The following IQSEC1 variants were observed in gnomAD, a reference collection of about 807,000 sequenced individuals.
IQSEC1 encodes IQ motif and SEC7 domain-containing protein 1.
Under a neutral mutation model 91.0 loss-of-function variants are expected in IQSEC1, and 31 were observed. That is an observed-to-expected ratio of 0.34 (90% CI 0.26 to 0.46). IQSEC1 has a LOEUF of 0.46. Ranked by LOEUF, IQSEC1 falls within the 20% of genes least tolerant of loss-of-function variation. IQSEC1 has a pLI of 1.00. For missense variants in IQSEC1, 1,388 were observed against 1,575.6 expected (o/e 0.88, Z 2.02); for synonymous variants, 699 against 662.6 (o/e 1.05, Z -0.84).
At chr3:12,989,882 C>T (rs554972667) in intron 1 of IQSEC1, among the ~76,000 whole-genome samples, 4 of 152,180 alleles carry the variant, frequency 2.6e-5, no homozygotes, top group Admixed American at 6.5e-5. Context: ...TCCAGAGCAA[C>T]AAAGAGTCCG....
chr3:12,931,535 G>A (rs538967005), intron 3 of IQSEC1, among the ~76,000 whole-genome samples: 3 of 152,338 alleles, frequency 2.0e-5, no homozygotes, highest in South Asian at 4.1e-4. Flanking sequence ...TGCACAGGCC[G>A]GCTCTGCTCA....
intron 1 of IQSEC1, among the ~76,000 whole-genome samples, chr3:13,227,149 G>A (rs149543195): frequency 0.015 from 2,315 of 152,136 alleles, 32 homozygotes; most frequent in Non-Finnish European, 0.021. Context: ...GCCGAGGCAG[G>A]TGGATCACCT....
At chr3:12,990,379 A>T (rs1243302905) in intron 1 of IQSEC1, among the ~76,000 whole-genome samples, 2 of 152,218 alleles carry the variant, frequency 1.3e-5, no homozygotes, top group African/African-American at 4.8e-5. Flanking sequence ...ACAAGAACTT[A>T]TATCCTCCCC....
chr3:13,144,525 C>T (rs1425481610), intron 2 of IQSEC1, among the ~76,000 whole-genome samples: 1 of 152,260 alleles, frequency 6.6e-6, no homozygotes, highest in Admixed American at 6.5e-5. Flanking sequence ...TGTGACCACA[C>T]AGACAATCCC....
chr3:13,236,504 G>T (rs1292488373), intron 1 of IQSEC1, among the ~76,000 whole-genome samples: 4 of 152,194 alleles, frequency 2.6e-5, no homozygotes, highest in Admixed American at 6.5e-5. Flanking sequence ...CTCCAAACTT[G>T]TCCTGCTAAC....
rs1164110402 is a variant in IQSEC1, at chr3:12,908,733, G to A, written c.2579-208C>T. Reference sequence around the variant, plus strand: ...GGAGGGAGGCTAGAGAGACCAGAGGGCCTTGTGACCTGCAGGAAGGATAGT... The same window carrying A: ...GGAGGGAGGCTAGAGAGACCAGAGGACCTTGTGACCTGCAGGAAGGATAGT... On this transcript the variant is annotated intron_variant, in intron 11 of 13. Transcript: ENST00000613206. The surrounding 1 kb of genome is among the most constrained non-coding windows in gnomAD (Gnocchi z 4.9). Among the ~76,000 whole-genome samples, 3 of 152,052 alleles carry A rather than the reference G, an allele frequency of 2.0e-5. No homozygotes were observed. The highest frequency in any genetic ancestry group is 2.0e-4 in the Admixed American group (3 of 15,260).
Position 12,971,814 on chromosome 3 carries a change from G to A in IQSEC1, c.24-29949C>T, listed in dbSNP as rs116268866. Among the ~76,000 whole-genome samples the A allele has an allele frequency of 4.4e-3, 674 of 152,276 alleles. 6 individuals carry two copies. The highest frequency in any genetic ancestry group is 0.015 in the African/African-American group (641 of 41,548). ...GGTGTGGTGGCTCACCCAAAGTCAG[G>A]AGTTCGAGACCAGCCTGGCCAACAT... On this transcript the variant is annotated intron_variant, in intron 1 of 13. Coordinates refer to ENST00000613206, the MANE Select transcript of IQSEC1 (RefSeq NM_001134382.3).
chr3:13,264,235 ACTGT>A (rs1695444247), intron 1 of IQSEC1, among the ~76,000 whole-genome samples: 1 of 152,016 alleles, frequency 6.6e-6, no homozygotes, highest in Non-Finnish European at 1.5e-5. Flanking sequence ...CGCCTGCCAC[ACTGT>A]CTGTCACAAC....
intron 1 of IQSEC1, among the ~76,000 whole-genome samples, chr3:13,175,699 G>C (rs1693714047): frequency 6.6e-6 from 1 of 152,238 alleles, no homozygotes; most frequent in African/African-American, 2.4e-5. Context: ...ACGTTTGAGA[G>C]GCTGGGTAGT....
chr3:13,115,268 C>A (rs924693509), intron 2 of IQSEC1, among the ~76,000 whole-genome samples: 1 of 152,210 alleles, frequency 6.6e-6, no homozygotes, highest in Non-Finnish European at 1.5e-5. Flanking sequence ...TTCCCTCCCC[C>A]GTTCCTCTAG....
chr3:13,006,600 C>T (rs1702644968), intron 1 of IQSEC1, among the ~76,000 whole-genome samples: 3 of 152,382 alleles, frequency 2.0e-5, no homozygotes, highest in African/African-American at 2.4e-5. Flanking sequence ...CACACAATCA[C>T]GTGTTTTAAG....
At chr3:13,229,922 T>C (rs1165113608) in intron 1 of IQSEC1, among the ~76,000 whole-genome samples, 1 of 152,212 alleles carries the variant, frequency 6.6e-6, no homozygotes, top group Admixed American at 6.5e-5. Context: ...ACTTATTTCA[T>C]GGGGCTGCTT....
chr3:13,108,139 C>T (rs1302225011), intron 2 of IQSEC1, among the ~76,000 whole-genome samples: 4 of 152,250 alleles, frequency 2.6e-5, no homozygotes, highest in Admixed American at 6.5e-5. Context: ...TTGATGTCCA[C>T]GCTATAGAGT....
intron 1 of IQSEC1, among the ~76,000 whole-genome samples, chr3:13,186,302 A>G (rs1475430846): frequency 1.3e-5 from 2 of 152,218 alleles, no homozygotes; most frequent in African/African-American, 4.8e-5. Context: ...TGAAGCTTGC[A>G]CTGGGAAGAG....
chr3:13,095,883 G>A (rs887816171), intron 2 of IQSEC1, among the ~76,000 whole-genome samples: 3 of 152,146 alleles, frequency 2.0e-5, no homozygotes, highest in South Asian at 2.1e-4. Context: ...AGGGAGGGGC[G>A]GCGAGATTCA....
chr3:13,121,910 C>A (rs1435095694), intron 2 of IQSEC1, among the ~76,000 whole-genome samples: 1 of 152,226 alleles, frequency 6.6e-6, no homozygotes, highest in Non-Finnish European at 1.5e-5. Context: ...GGGACGGCCA[C>A]GGCAGTGGGA....
rs567277019 is a variant in IQSEC1, at chr3:12,966,675, G to A, written c.24-24810C>T. Among the ~76,000 whole-genome samples the A allele has an allele frequency of 4.6e-5, 7 of 152,158 alleles. No homozygotes were observed. The South Asian group carries it at 6.2e-4, about 14-fold the overall frequency. ...ATCCCTGACCACACCAGGTGCACAC[G>A]CATCACCACACAAAGCCCCTCACAT... On this transcript the variant is annotated intron_variant, in intron 1 of 13. Coordinates refer to ENST00000613206, the MANE Select transcript of IQSEC1 (RefSeq NM_001134382.3).
chr3:13,082,528 C>T (rs1366079667), intron 2 of IQSEC1, among the ~76,000 whole-genome samples: 1 of 152,204 alleles, frequency 6.6e-6, no homozygotes, highest in Admixed American at 6.5e-5. Flanking sequence ...GCCATAGGGC[C>T]CAGGTGCCCA....
At position 13,084,366 on chromosome 3, in the gene IQSEC1, C is replaced by T. The variant is rs146393545; in HGVS notation, c.303-36844G>A. 2.2e-4 allele frequency among the ~76,000 whole-genome samples: 34 copies of T among 152,310 alleles called. No individual in the cohort carries two copies. The East Asian group carries it at 3.5e-3, about 16-fold the overall frequency. On this transcript the variant is annotated intron_variant, in intron 2 of 15. Coordinates refer to the IQSEC1 transcript ENST00000648114. ...ACATACTCAGCTCAAAGCCTGTGTC[C>T]GGATGCTCTTTCTGGCCTGGCAACA...
Sources: gnomAD v4.1 joint callset for allele counts (sites outside exome capture counted in the v4.1 genomes callset) on GRCh38, gnomAD v4.1.1 for gene constraint, Gnocchi (gnomAD v3.1) non-coding constraint, MANE v1.5 for transcripts, NCBI Gene and HGNC (gene_info 2026-07-23, HGNC 2026-07-21) for gene names.